Variants in MED27 observed in about 807,000 individuals in gnomAD.
MED27 encodes the protein mediator of RNA polymerase II transcription subunit 27.
Under a neutral mutation model 38.2 loss-of-function variants are expected in MED27, and 30 were observed. The observed-to-expected ratio is 0.79, with a 90% confidence interval of 0.59 to 1.07. The LOEUF (loss-of-function observed/expected upper bound fraction) is 1.07, where lower values mean the gene tolerates loss of function less well. MED27 is among the 50% of genes least tolerant of loss of function. MED27 has a pLI of 0.00. For missense variants in MED27, 289 were observed against 397.5 expected, an observed-to-expected ratio of 0.73 and a Z score of 2.32; for synonymous variants, 122 against 153.5, an observed-to-expected ratio of 0.79 and a Z score of 1.52.
rs144714811 is a variant in MED27 at position 132,058,969 on chromosome 9, G to A, written c.348+18473C>T. Among the ~76,000 whole-genome samples, 844 of 152,214 alleles carry A rather than the reference G, an allele frequency of 5.5e-3. 12 individuals carry two copies. Among genetic ancestry groups the A allele is most frequent in the African/African-American group, 0.019 (777 of 41,516 alleles). ...ACTTTACATTCAATAAAACAGAAGCGATTTGGTGAGTGTCACCCTTCCCCA... is the reference window on the plus strand; with the variant it reads ...ACTTTACATTCAATAAAACAGAAGCAATTTGGTGAGTGTCACCCTTCCCCA... On this transcript the variant is annotated intron_variant, in intron 2 of 7. Coordinates refer to ENST00000292035, the MANE Select transcript of MED27 (RefSeq NM_004269.4).
At chr9:132,037,366 A>G (rs981963536) in intron 2 of MED27, among the ~76,000 whole-genome samples, 4 of 152,204 alleles carry the variant, frequency 2.6e-5, no homozygotes, top group African/African-American at 9.7e-5. Context: ...TAATAGTCGC[A>G]TATGGTGGTT....
chr9:131,935,170 G>T (rs1275699433), intron 4 of MED27, among the ~76,000 whole-genome samples: 1 of 152,060 alleles, frequency 6.6e-6, no homozygotes, highest in Non-Finnish European at 1.5e-5. Context: ...GCACAACAGG[G>T]TGACTACAAT....
At chr9:131,867,374 C>A (rs1838755566) in intron 6 of MED27, among the ~76,000 whole-genome samples, 1 of 152,130 alleles carries the variant, frequency 6.6e-6, no homozygotes, top group African/African-American at 2.4e-5. Flanking sequence ...TGACACAGCC[C>A]CGTCAAAACT....
intron 2 of MED27, among the ~76,000 whole-genome samples, chr9:132,045,415 C>CAT (rs1833310446): frequency 3.0e-4 from 1 of 3,284 alleles, no homozygotes; most frequent in South Asian, 0.026. Context: ...GAGGAAATTA[C>CAT]ACACACACAC....
At chr9:131,918,472 GCAAA>G (rs145264788) in intron 4 of MED27, among the ~76,000 whole-genome samples, 6 of 152,164 alleles carry the variant, frequency 3.9e-5, no homozygotes, top group South Asian at 2.1e-4. Flanking sequence ...TATTTGCCAA[GCAAA>G]CAAACAAACA....
intron 4 of MED27, among the ~76,000 whole-genome samples, chr9:131,914,809 G>A (rs2131542937): frequency 6.6e-6 from 1 of 152,194 alleles, no homozygotes; most frequent in East Asian, 1.9e-4. Context: ...GAGAAAGATG[G>A]CAGCCTGAAC....
rs1041358260 is a variant in MED27 at position 131,872,167 on chromosome 9, C to T, written c.724-9027G>A. On this transcript the variant is annotated intron_variant, in intron 6 of 7. Transcript: ENST00000292035. This position sits in a 1 kb window ranked among gnomAD's most constrained non-coding sequence, Gnocchi z 5.6. ...GGACCAGGACCCAGGAGTTCACAGGCTCCCTGAGATGATTTTGGGTGCAGG... is the reference window on the plus strand; with the variant it reads ...GGACCAGGACCCAGGAGTTCACAGGTTCCCTGAGATGATTTTGGGTGCAGG... 6.6e-6 allele frequency among the ~76,000 whole-genome samples: 1 copy of T among 151,674 alleles called. No homozygotes were observed. Among genetic ancestry groups the T allele is most frequent in the East Asian group, 1.9e-4 (1 of 5,184 alleles).
intron 3 of MED27, among the ~76,000 whole-genome samples, chr9:131,994,066 T>C (rs867698740): frequency 6.6e-6 from 1 of 152,220 alleles, no homozygotes; most frequent in Non-Finnish European, 1.5e-5. Flanking sequence ...CTTAAATGTA[T>C]GTATAGCTCA....
In MED27 at chr9:131,862,846, T is replaced by C. The variant is rs1838674796; in HGVS notation, c.801+217A>G. Among the ~76,000 whole-genome samples, 1 of 152,208 alleles carries C rather than the reference T, an allele frequency of 6.6e-6. No individual in the cohort carries two copies. The highest frequency in any genetic ancestry group is 1.5e-5 in the Non-Finnish European group (1 of 68,042). The stretch of plus-strand genomic sequence containing the variant: ...GATCATTTCTGAAACCACCGCTTTT[T>C]CAGCAAGTAGAGAAAGCACCAGTGA... On this transcript the variant is annotated intron_variant, in intron 7 of 7. Transcript: ENST00000292035. This position sits in a 1 kb window ranked among gnomAD's most constrained non-coding sequence, Gnocchi z 4.6.
intron 4 of MED27, among the ~76,000 whole-genome samples, chr9:131,905,701 C>CAAAAAAAAAAAAAA (rs58848280): frequency 1.6e-5 from 1 of 60,922 alleles, no homozygotes; most frequent in African/African-American, 7.4e-5. Flanking sequence ...AAGACCTTGT[C>CAAAAAAAAAAAAAA]AAAAAAAAAA....
rs993560146 is a variant in MED27 at position 131,872,488 on chromosome 9, C to G, written c.724-9348G>C. Among the ~76,000 whole-genome samples the G allele has an allele frequency of 9.2e-5, 14 of 152,232 alleles. No homozygotes were observed. Among genetic ancestry groups the G allele is most frequent in the African/African-American group, 3.1e-4 (13 of 41,456 alleles). ...GACCCAGACTGTGGCTTCCCTCCAG[C>G]CAATATCGGCTTCTACGTACTGTGA... On this transcript the variant is annotated intron_variant, in intron 6 of 7. Coordinates refer to ENST00000292035, the MANE Select transcript of MED27 (RefSeq NM_004269.4). This position sits in a 1 kb window ranked among gnomAD's most constrained non-coding sequence, Gnocchi z 5.6.
chr9:132,079,254 G>T (rs1834121018), intron 1 of MED27, among the ~76,000 whole-genome samples: 1 of 152,132 alleles, frequency 6.6e-6, no homozygotes, highest in African/African-American at 2.4e-5. Flanking sequence ...GTTTGGAGCC[G>T]ACTGACCAGG....
chr9:131,949,972 T>A (rs1220509808), intron 3 of MED27, among the ~76,000 whole-genome samples: 1 of 151,632 alleles, frequency 6.6e-6, no homozygotes, highest in Non-Finnish European at 1.5e-5. Flanking sequence ...ACTAAAAATA[T>A]TAATATAATT....
intron 3 of MED27, among the ~76,000 whole-genome samples, chr9:131,956,654 A>G (rs1015063163): frequency 1.3e-5 from 2 of 152,058 alleles, no homozygotes; most frequent in African/African-American, 4.8e-5. Context: ...AATGCCACTG[A>G]ATTGTAACAT....
chr9:131,960,701 T>C (rs1831197645), intron 3 of MED27, among the ~76,000 whole-genome samples: 1 of 152,066 alleles, frequency 6.6e-6, no homozygotes, highest in African/African-American at 2.4e-5. Context: ...AATTGGAGCG[T>C]ATGTACAGAA....
intron 3 of MED27, among the ~76,000 whole-genome samples, chr9:131,973,311 T>G (rs1343616518): frequency 6.6e-6 from 1 of 152,118 alleles, no homozygotes; most frequent in East Asian, 1.9e-4. Flanking sequence ...CACTATCCCC[T>G]CCAGGATAAC....
At chr9:131,928,701 C>G (rs933678387) in intron 4 of MED27, among the ~76,000 whole-genome samples, 17 of 152,194 alleles carry the variant, frequency 1.1e-4, no homozygotes, top group African/African-American at 4.1e-4. Context: ...AAATCACCCA[C>G]CCCAGTGTGG....
chr9:132,013,152 C>T (rs1832519106), intron 3 of MED27, among the ~76,000 whole-genome samples: 1 of 152,176 alleles, frequency 6.6e-6, no homozygotes, highest in African/African-American at 2.4e-5. Flanking sequence ...CTGAGTGAGC[C>T]TTTGCACTCA....
chr9:131,939,660 G>A, intron 3 of MED27, among the ~76,000 whole-genome samples, 186 bp from the exon 4 acceptor site: 1 of 152,146 alleles, frequency 6.6e-6, no homozygotes, highest in Non-Finnish European at 1.5e-5. Context: ...TGTTTTTAAT[G>A]CTAGTTCTTG....
Sources: gnomAD v4.1 joint callset for allele counts (sites outside exome capture counted in the v4.1 genomes callset) on GRCh38, gnomAD v4.1.1 for gene constraint, Gnocchi (gnomAD v3.1) non-coding constraint, MANE v1.5 for transcripts, NCBI Gene and HGNC (gene_info 2026-07-23, HGNC 2026-07-21) for gene names.